The following HNRNPD variants were observed in gnomAD, a reference collection of about 807,000 sequenced individuals.
HNRNPD encodes heterogeneous nuclear ribonucleoprotein D.
In HNRNPD, 3 loss-of-function variants were observed where a neutral mutation model predicts 47.9. The ratio of observed to expected loss-of-function variants is 0.06; its 90% CI spans 0.03 to 0.16. The LOEUF (loss-of-function observed/expected upper bound fraction) is 0.16, where lower values mean the gene tolerates loss of function less well. Among genes scored for constraint, HNRNPD ranks in the 10% least tolerant of loss-of-function variants. The pLI is 1.00. For missense variants in HNRNPD, 287 were observed against 454.2 expected (o/e 0.63, Z 3.35); for synonymous variants, 171 against 165.1 (o/e 1.04, Z -0.28).
Position 82,373,570 on chromosome 4 carries a change from C to A in HNRNPD, c.109G>T (p.Ala37Ser). ...EGAMVAATQG[A>S]AAAAGSGAGT... ...GCTCCGCTTCCCGCCGCCGCCGCTG[C>A]CCCCTGTGTCGCCGCCACCATGGCT... Residue 37 changes from alanine to serine, a missense_variant, in exon 1 of 9, where the codon GCA becomes TCA. This residue lies in a region of HNRNPD where 161 missense variants were observed against 137.1 expected (regional missense o/e 1.17). Coordinates refer to ENST00000313899, the MANE Select transcript of HNRNPD (RefSeq NM_031370.3). The A allele has an allele frequency of 6.5e-7, 1 of 1,537,858 alleles. No individual in the cohort carries two copies. The highest frequency in any genetic ancestry group is 8.7e-7 in the Non-Finnish European group (1 of 1,143,520).
Position 82,352,525 on chromosome 4 carries a change from G to T in HNRNPD, c.*1660C>A, listed in dbSNP as rs1274758298. 1 of 152,068 alleles carries T rather than the reference G, an allele frequency of 6.6e-6. No individual in the cohort carries two copies. Among genetic ancestry groups the T allele is most frequent in the Non-Finnish European group, 1.5e-5 (1 of 68,004 alleles). The allele number at this position is 152,068 out of a possible 1,614,324, so 9.4% of individuals were successfully genotyped here. A position where few individuals can be genotyped will look rare whatever the true frequency, so the allele number is the denominator to read the frequency against. On this transcript the variant is annotated 3_prime_UTR_variant, in exon 9 of 9. Transcript: ENST00000313899. The stretch of plus-strand genomic sequence containing the variant: ...TCTTAAAAATAATTTTTTATTGAGA[G>T]ATTTACATAAAATAAGCATATGATA...
intron 1 of HNRNPD, 106 bp downstream of exon 1, chr4:82,373,340 G>A (rs1254163375): frequency 2.1e-6 from 3 of 1,428,614 alleles, no homozygotes; most frequent in Non-Finnish European, 2.8e-6. Flanking sequence ...GCTGCATGGG[G>A]GCCCGGAGAA....
At chr4:82,363,909 A>G (rs529368199) in intron 2 of HNRNPD, among the ~76,000 whole-genome samples, 2 of 152,316 alleles carry the variant, frequency 1.3e-5, no homozygotes, top group South Asian at 2.1e-4. Context: ...CCTTTGTGGG[A>G]CATTTTATCA....
At chr4:82,368,469 A>G (rs1049112133) in intron 2 of HNRNPD, among the ~76,000 whole-genome samples, 1 of 152,198 alleles carries the variant, frequency 6.6e-6, no homozygotes, top group Admixed American at 6.5e-5. Context: ...AAAAACTTCA[A>G]TGACATTCTC....
chr4:82,373,089 G>C (rs961897643), intron 1 of HNRNPD: 3 of 506,912 alleles, frequency 5.9e-6, no homozygotes, highest in Admixed American at 4.6e-5. Flanking sequence ...AAGGGAAAAA[G>C]AGGGGACAGC....
At chr4:82,370,520 C>A (rs1719987985) in intron 2 of HNRNPD, among the ~76,000 whole-genome samples, 2 of 112,010 alleles carry the variant, frequency 1.8e-5, no homozygotes, top group South Asian at 4.7e-4. Flanking sequence ...GAAACTGTGA[C>A]CCCAGTCTTT....
chr4:82,370,368 A>G (rs1412982186), intron 2 of HNRNPD, among the ~76,000 whole-genome samples: 2 of 152,198 alleles, frequency 1.3e-5, no homozygotes, highest in African/African-American at 2.4e-5. Flanking sequence ...AAATCACTGG[A>G]AACAATTACA....
intron 2 of HNRNPD, among the ~76,000 whole-genome samples, chr4:82,360,152 A>AT (rs1262555198): frequency 6.6e-6 from 1 of 152,100 alleles, no homozygotes; most frequent in East Asian, 1.9e-4. Flanking sequence ...TTGTGAGCCA[A>AT]TTTTTTTGAT....
At chr4:82,356,176 T>G (rs566125524) in intron 7 of HNRNPD, 2 of 174,574 alleles carry the variant, frequency 1.1e-5, no homozygotes, top group South Asian at 3.7e-4. Flanking sequence ...TGGCAACATG[T>G]GGTATTATTC....
At chr4:82,357,220 T>C (rs1723750023) in intron 5 of HNRNPD, 93 bp downstream of exon 5, 9 of 1,377,104 alleles carry the variant, frequency 6.5e-6, no homozygotes, top group Admixed American at 5.1e-5. Flanking sequence ...TTTTAAAGCA[T>C]GCAAAGAACT....
rs1432682767 is a variant in HNRNPD, at chr4:82,354,154, C to T, written c.*31G>A. The T allele has an allele frequency of 6.6e-6, 1 of 152,478 alleles. No individual in the cohort carries two copies. The highest frequency in any genetic ancestry group is 1.5e-5 in the Non-Finnish European group (1 of 68,030). The allele number at this position is 152,478 out of a possible 1,614,324, so 9.4% of individuals were successfully genotyped here. On this transcript the variant is annotated splice_region_variant and 3_prime_UTR_variant, in exon 9 of 9. Transcript: ENST00000313899. ...CAAATTGGAAAATACTGCTTCACCA[C>T]CTGGAGACAAAGAAGAAAAAATAGA...
intron 3 of HNRNPD, 68 bp downstream of exon 3, chr4:82,359,403 C>G: frequency 3.5e-6 from 4 of 1,139,598 alleles, no homozygotes; most frequent in Non-Finnish European, 4.7e-6. Flanking sequence ...TAGGCAAACT[C>G]ATTGTATCAA....
At chr4:82,363,220 G>C in intron 2 of HNRNPD, among the ~76,000 whole-genome samples, 1 of 151,888 alleles carries the variant, frequency 6.6e-6, no homozygotes, top group Non-Finnish European at 1.5e-5. Flanking sequence ...GGGATAACAG[G>C]TGCATGCCAC....
intron 2 of HNRNPD, among the ~76,000 whole-genome samples, chr4:82,361,182 T>C (rs1274158085): frequency 6.6e-6 from 1 of 152,218 alleles, no homozygotes; most frequent in Non-Finnish European, 1.5e-5. Flanking sequence ...CAATATACAT[T>C]TTCTTTAATT....
At chr4:82,357,188 T>A in intron 5 of HNRNPD, 125 bp downstream of exon 5, 1 of 1,140,480 alleles carries the variant, frequency 8.8e-7, no homozygotes, top group Non-Finnish European at 1.2e-6. Context: ...AGTTGGTCAA[T>A]GGTAAGTAAC....
intron 3 of HNRNPD, 79 bp from the exon 4 acceptor site, chr4:82,358,899 CTA>C (rs1491137356): frequency 1.1e-5 from 12 of 1,056,080 alleles, no homozygotes; most frequent in Non-Finnish European, 1.6e-5. Context: ...TTAAAAATAA[CTA>C]TAAATACAGA....
chr4:82,357,206 A>T (rs1723749439), intron 5 of HNRNPD, 107 bp downstream of exon 5: 2 of 1,268,590 alleles, frequency 1.6e-6, no homozygotes, highest in Admixed American at 2.7e-5. Context: ...AACCAATGAG[A>T]AGTTTTTAAA....
At chr4:82,365,626 G>C (rs948348988) in intron 2 of HNRNPD, among the ~76,000 whole-genome samples, 2 of 152,028 alleles carry the variant, frequency 1.3e-5, no homozygotes, top group Admixed American at 1.3e-4. Flanking sequence ...ACTTTTTTGA[G>C]ACAGAGTCTC....
Position 82,359,477 on chromosome 4 carries a change from T to C in HNRNPD, c.453A>G (p.Val151=). Residue 151 remains valine (V), a synonymous_variant, in exon 3 of 9, where the codon GTA becomes GTG. Transcript: ENST00000313899. Reference sequence around the variant, plus strand: ...AGAACACGTAACACACTACCTTATCTACACTCTCCGATTCTTTAAATAGCA... The same window carrying C: ...AGAACACGTAACACACTACCTTATCCACACTCTCCGATTCTTTAAATAGCA... ...GFVLFKESES[V]DKVMDQKEHK... The C allele has an allele frequency of 6.4e-7, 1 of 1,573,930 alleles. No individual in the cohort carries two copies. The highest frequency in any genetic ancestry group is 8.7e-7 in the Non-Finnish European group (1 of 1,151,244).
Sources: gnomAD v4.1 joint callset for allele counts (sites outside exome capture counted in the v4.1 genomes callset) on GRCh38, gnomAD v4.1.1 for gene constraint, gnomAD v4.1.1 regional missense constraint, MANE v1.5 for transcripts, NCBI Gene and HGNC (gene_info 2026-07-23, HGNC 2026-07-21) for gene names.